Variants in BANP observed in about 807,000 individuals in gnomAD.
BANP encodes the protein protein BANP.
BANP carries 11 observed loss-of-function variants against 68.1 expected under a neutral mutation model. The ratio of observed to expected loss-of-function variants is 0.16; its 90% confidence interval spans 0.10 to 0.27. BANP has a LOEUF of 0.27. BANP is among the 10% of genes least tolerant of loss of function. The pLI, the probability that BANP is intolerant of heterozygous loss-of-function variation, is 1.00. For missense variants in BANP, 504 were observed against 722.7 expected (o/e 0.70, Z 3.47); for synonymous variants, 329 against 303.2 (o/e 1.09, Z -0.88).
chr16:87,974,614 A>G (rs768645636), intron 1 of BANP, among the ~76,000 whole-genome samples: 10 of 152,230 alleles, frequency 6.6e-5, no homozygotes, highest in Non-Finnish European at 1.5e-4. Flanking sequence ...GACCAGTGGT[A>G]TGGGTGGGAA....
chr16:88,002,687 T>C lies in BANP; in HGVS notation c.363-1608T>C, dbSNP rs1027656116. On this transcript the variant is annotated intron_variant, in intron 4 of 13. Transcript: ENST00000682872. This position sits in a 1 kb window ranked among gnomAD's most constrained non-coding sequence, Gnocchi z 4.6. ...GTTGGGAGCTGGTTGTCTTAGAATA[T>C]GATTTCCTTCACCTTAATAAGGATC... Among the ~76,000 whole-genome samples, 1 of 152,150 alleles carries C rather than the reference T, an allele frequency of 6.6e-6. No homozygotes were observed. The highest frequency in any genetic ancestry group is 1.5e-5 in the Non-Finnish European group (1 of 68,034).
At position 88,076,936 on chromosome 16, in the gene BANP, C is replaced by T; in HGVS notation, c.*275C>T. 1 of 412,928 alleles carries T rather than the reference C, an allele frequency of 2.4e-6. No individual in the cohort carries two copies. Among genetic ancestry groups the T allele is most frequent in the South Asian group, 4.7e-5 (1 of 21,128 alleles). 25.6% of individuals were successfully genotyped at this position (412,928 alleles called of 1,614,324 possible). On this transcript the variant is annotated 3_prime_UTR_variant, in exon 14 of 14. Coordinates refer to ENST00000682872, the MANE Select transcript of BANP (RefSeq NM_001386991.1). ...AGAGCGTCGCATATGCGCGGGAAATCAAGAACTATGATATTTTTCTGTTTA... is the reference window on the plus strand; with the variant it reads ...AGAGCGTCGCATATGCGCGGGAAATTAAGAACTATGATATTTTTCTGTTTA...
chr16:88,016,951 G>A (rs2152652798), intron 6 of BANP, among the ~76,000 whole-genome samples: 1 of 152,296 alleles, frequency 6.6e-6, no homozygotes, highest in East Asian at 1.9e-4. Flanking sequence ...GTGACAATGT[G>A]TGTTTGAAGA....
intron 12 of BANP, chr16:88,070,934 AACATAACTATTTTTAAAAGC>A (rs2090148010): frequency 6.5e-6 from 1 of 154,898 alleles, no homozygotes; most frequent in Admixed American, 6.4e-5. Context: ...TTTGCTTAGA[AACATAACTATTTTTAAAAGC>A]ACATGTAGGT....
At chr16:88,048,679 C>T (rs181581646) in intron 11 of BANP, among the ~76,000 whole-genome samples, 9 of 151,310 alleles carry the variant, frequency 5.9e-5, no homozygotes, top group South Asian at 4.2e-4. Flanking sequence ...ATTGAATCGG[C>T]GCTCACAACA....
intron 2 of BANP, among the ~76,000 whole-genome samples, chr16:87,976,414 T>A (rs1406615475): frequency 6.6e-6 from 1 of 152,070 alleles, no homozygotes; most frequent in African/African-American, 2.4e-5. Context: ...AACCCTAAAT[T>A]TCAGGAACTT....
chr16:88,045,413 AAC>A (rs1261684351), intron 11 of BANP, among the ~76,000 whole-genome samples: 1 of 152,230 alleles, frequency 6.6e-6, no homozygotes, highest in Non-Finnish European at 1.5e-5. Context: ...GGGCCAAAGG[AAC>A]GCTTCAGTTG....
chr16:87,951,714 G>A (rs2056908668), intron 1 of BANP, among the ~76,000 whole-genome samples, 199 bp downstream of exon 1: 1 of 150,078 alleles, frequency 6.7e-6, no homozygotes, highest in Non-Finnish European at 1.5e-5. Flanking sequence ...CCGGAAGAGG[G>A]GCTCCCGCTT....
At chr16:87,974,572 A>G (rs1376955728) in intron 1 of BANP, among the ~76,000 whole-genome samples, 1 of 152,088 alleles carries the variant, frequency 6.6e-6, no homozygotes, top group African/African-American at 2.4e-5. Context: ...GCTGGGAGAA[A>G]CTTGGGAGGA....
chr16:88,054,182 TCAC>T (rs1467633757), intron 11 of BANP, among the ~76,000 whole-genome samples: 1 of 78,702 alleles, frequency 1.3e-5, no homozygotes, highest in East Asian at 3.3e-4. Context: ...ATCATCATCA[TCAC>T]CAACACAACC....
intron 4 of BANP, among the ~76,000 whole-genome samples, chr16:87,989,273 G>A (rs746291276): frequency 6.6e-6 from 1 of 152,132 alleles, no homozygotes; most frequent in African/African-American, 2.4e-5. Flanking sequence ...CTGCAGGTGC[G>A]CCATCAGTTT....
intron 5 of BANP, among the ~76,000 whole-genome samples, chr16:88,005,627 G>A (rs963564875): frequency 2.6e-5 from 4 of 152,184 alleles, no homozygotes; most frequent in South Asian, 4.1e-4. Flanking sequence ...TTTTTTGCCC[G>A]TGGGCGTACG....
chr16:88,037,812 G>A (rs1236284865), intron 10 of BANP, 161 bp from the exon 11 acceptor site: 1 of 656,044 alleles, frequency 1.5e-6, no homozygotes. Flanking sequence ...TCAATATTTT[G>A]TTTTGGGGCT....
At chr16:87,984,413 A>G (rs531952136) in intron 4 of BANP, among the ~76,000 whole-genome samples, 154 bp downstream of exon 4, 3 of 152,352 alleles carry the variant, frequency 2.0e-5, no homozygotes. Context: ...GCTGACTTTT[A>G]GTTAGACCGA....
intron 8 of BANP, among the ~76,000 whole-genome samples, chr16:88,032,172 A>T (rs1487575108): frequency 6.6e-6 from 1 of 150,742 alleles, no homozygotes; most frequent in Non-Finnish European, 1.5e-5. Flanking sequence ...TCAACATTCT[A>T]CTTCTCTCAC....
At chr16:88,062,189 A>C (rs909680997) in intron 11 of BANP, among the ~76,000 whole-genome samples, 2 of 152,072 alleles carry the variant, frequency 1.3e-5, no homozygotes, top group African/African-American at 4.8e-5. Context: ...TTTTAAAGGC[A>C]TGGGGGGTGG....
At chr16:87,964,682 G>A (rs2059737387) in intron 1 of BANP, among the ~76,000 whole-genome samples, 1 of 151,396 alleles carries the variant, frequency 6.6e-6, no homozygotes, top group Admixed American at 6.6e-5. Context: ...CGTGATCACA[G>A]CAGAGGTGCA....
In BANP at chr16:88,033,281, G is replaced by C. The variant is rs549371921; in HGVS notation, c.1200+36G>C. ...TCTCCACCTCACACCTTGGGAAAGG[G>C]GGCTGCGGGGTGGGCCACGGCAGGG... On this transcript the variant is annotated intron_variant, in intron 9 of 13. Transcript: ENST00000682872. The C allele has an allele frequency of 1.9e-4, 285 of 1,505,206 alleles. 1 individual carries two copies. Among genetic ancestry groups the C allele is most frequent in the Non-Finnish European group, 9.4e-5 (105 of 1,114,062 alleles). 93.2% of individuals were successfully genotyped at this position (1,505,206 alleles called of 1,614,324 possible).
chr16:88,061,183 C>T (rs578081410), intron 11 of BANP, among the ~76,000 whole-genome samples: 4 of 152,340 alleles, frequency 2.6e-5, no homozygotes, highest in South Asian at 2.1e-4. Context: ...GTGGAGACTG[C>T]TGTGCCTACC....
Sources: gnomAD v4.1 joint callset for allele counts (sites outside exome capture counted in the v4.1 genomes callset) on GRCh38, gnomAD v4.1.1 for gene constraint, Gnocchi (gnomAD v3.1) non-coding constraint, MANE v1.5 for transcripts, NCBI Gene and HGNC (gene_info 2026-07-23, HGNC 2026-07-21) for gene names.